Variants in ALCAM observed in about 807,000 individuals in gnomAD.
ALCAM encodes the protein CD166 antigen.
In ALCAM, 30 loss-of-function variants were observed where a neutral mutation model predicts 70.9. The ratio of observed to expected loss-of-function variants is 0.42; its 90% CI spans 0.32 to 0.57. The LOEUF (loss-of-function observed/expected upper bound fraction) is 0.57, where lower values mean the gene tolerates loss of function less well. Among genes scored for constraint, ALCAM ranks in the 20% least tolerant of loss-of-function variants. The probability of loss-of-function intolerance (pLI) is 0.11; values close to 1 mark genes in which losing one functional copy is unlikely to be tolerated. For missense variants in ALCAM, 591 were observed against 695.1 expected (o/e 0.85, Z 1.68); for synonymous variants, 249 against 242.5 (o/e 1.03, Z -0.25).
At chr3:105,440,973 A>C (rs1236868311) in intron 1 of ALCAM, 1 of 152,150 alleles carries the variant, frequency 6.6e-6, no homozygotes, top group Non-Finnish European at 1.5e-5. Context: ...GCAGAGAAAA[A>C]GCACTGAAAA....
rs780421441 is a variant in ALCAM at position 105,492,333 on chromosome 3, A to G, written c.74-27734A>G. On this transcript the variant is annotated intron_variant, in intron 1 of 15. Transcript: ENST00000306107. ...CAAGATGAGAACTGGTTGGGGATAC[A>G]GTGAAACCATATCACATCTAAACCA... 3.9e-4 allele frequency among the ~76,000 whole-genome samples: 60 copies of G among 152,216 alleles called. 1 individual carries two copies. Among genetic ancestry groups the G allele is most frequent in the Non-Finnish European group, 1.8e-4 (12 of 68,040 alleles).
chr3:105,370,558 G>A (rs934096237), intron 1 of ALCAM, among the ~76,000 whole-genome samples: 1 of 152,050 alleles, frequency 6.6e-6, no homozygotes, highest in African/African-American at 2.4e-5. Flanking sequence ...AATTTAGGCA[G>A]GCAGAGTCAT....
chr3:105,377,620 A>G (rs566273578), intron 1 of ALCAM, among the ~76,000 whole-genome samples: 1 of 152,098 alleles, frequency 6.6e-6, no homozygotes, highest in African/African-American at 2.4e-5. Context: ...GGCAAAACCT[A>G]TATTGGTGCC....
chr3:105,563,081 C>T (rs927717002), intron 14 of ALCAM, among the ~76,000 whole-genome samples: 3 of 151,954 alleles, frequency 2.0e-5, no homozygotes, highest in Non-Finnish European at 4.4e-5. Context: ...GCTGGGATTA[C>T]AGGCATGAGT....
intron 1 of ALCAM, among the ~76,000 whole-genome samples, chr3:105,423,273 T>C (rs555058492): frequency 6.6e-6 from 1 of 151,506 alleles, no homozygotes; most frequent in African/African-American, 2.4e-5. Flanking sequence ...TGATGCACTT[T>C]TTCAGGGCTT....
chr3:105,406,320 A>C lies in ALCAM; in HGVS notation c.73+38839A>C, dbSNP rs181183697. ...AGACCCACAATAAAACTTTAGTCCTAAATGGGTCCTATTAAGAATTCCTTC... is the reference window on the plus strand; with the variant it reads ...AGACCCACAATAAAACTTTAGTCCTCAATGGGTCCTATTAAGAATTCCTTC... On this transcript the variant is annotated intron_variant, in intron 1 of 15. Coordinates refer to ENST00000306107, the MANE Select transcript of ALCAM (RefSeq NM_001627.4). Among the ~76,000 whole-genome samples the C allele has an allele frequency of 3.9e-4, 60 of 152,286 alleles. No individual in the cohort carries two copies. The East Asian group carries it at 8.7e-3, about 22-fold the overall frequency.
At chr3:105,429,211 G>C (rs1050550650) in intron 1 of ALCAM, among the ~76,000 whole-genome samples, 1 of 151,878 alleles carries the variant, frequency 6.6e-6, no homozygotes, top group Non-Finnish European at 1.5e-5. Context: ...CACATCAGTA[G>C]ACTCAGAATA....
chr3:105,563,635 G>C (rs893131465), intron 14 of ALCAM, among the ~76,000 whole-genome samples: 5 of 140,076 alleles, frequency 3.6e-5, no homozygotes, highest in African/African-American at 1.3e-4. Flanking sequence ...TTGAAGTCAA[G>C]TGACTAGACC....
At chr3:105,435,314 T>C (rs181526755) in intron 1 of ALCAM, among the ~76,000 whole-genome samples, 2 of 152,352 alleles carry the variant, frequency 1.3e-5, no homozygotes, top group East Asian at 1.9e-4. Flanking sequence ...CCTAGAGCTG[T>C]TAACAGTAAA....
chr3:105,545,371 T>C (rs1299751666), intron 9 of ALCAM, 36 bp downstream of exon 9: 1 of 1,474,678 alleles, frequency 6.8e-7, no homozygotes, highest in East Asian at 2.3e-5. Context: ...TGCTGTTTGG[T>C]TTGATTTCTT....
intron 14 of ALCAM, among the ~76,000 whole-genome samples, chr3:105,563,412 T>A (rs960445457): frequency 1.7e-4 from 26 of 151,728 alleles, no homozygotes; most frequent in Non-Finnish European, 3.7e-4. Context: ...ATTTTGCTCT[T>A]ATCATTACTA....
At chr3:105,498,133 G>C (rs114219776) in intron 1 of ALCAM, among the ~76,000 whole-genome samples, 2,805 of 152,212 alleles carry the variant, frequency 0.018, 28 homozygotes, top group Middle Eastern at 0.051. Flanking sequence ...AATGCTGAAA[G>C]ATAAGTGTGA....
Position 105,419,745 on chromosome 3 carries a change from G to A in ALCAM, c.73+52264G>A, listed in dbSNP as rs551832896. On this transcript the variant is annotated intron_variant, in intron 1 of 15. Transcript: ENST00000306107. ...CAATTGAAGTAGCTGCTGCTTATCT[G>A]AAACTTAACAGTTTGTTGTGGCCAA... Among the ~76,000 whole-genome samples the A allele has an allele frequency of 1.4e-4, 21 of 151,948 alleles. No individual in the cohort carries two copies. The East Asian group carries it at 2.9e-3, about 21-fold the overall frequency.
chr3:105,501,076 T>C (rs1262609901), intron 1 of ALCAM, among the ~76,000 whole-genome samples: 1 of 152,194 alleles, frequency 6.6e-6, no homozygotes, highest in African/African-American at 2.4e-5. Context: ...GGCATGTTAG[T>C]GGCAAACTGG....
chr3:105,559,358 G>A (rs2152633689), intron 14 of ALCAM, among the ~76,000 whole-genome samples: 1 of 148,328 alleles, frequency 6.7e-6, no homozygotes, highest in Admixed American at 6.8e-5. Context: ...CCATAAACGG[G>A]GTGGCTTTAA....
At chr3:105,442,953 C>A (rs1350938121) in intron 1 of ALCAM, among the ~76,000 whole-genome samples, 1 of 152,102 alleles carries the variant, frequency 6.6e-6, no homozygotes, top group Non-Finnish European at 1.5e-5. Context: ...CTTGAGCCCC[C>A]TGAGTAGCTT....
intron 1 of ALCAM, among the ~76,000 whole-genome samples, chr3:105,398,655 T>C (rs1013448394): frequency 2.0e-5 from 3 of 152,142 alleles, no homozygotes; most frequent in African/African-American, 7.2e-5. Flanking sequence ...GTATAAATTA[T>C]TTCCTTAGTA....
chr3:105,463,792 T>C (rs183104781), intron 1 of ALCAM, among the ~76,000 whole-genome samples: 9 of 151,514 alleles, frequency 5.9e-5, no homozygotes, highest in Non-Finnish European at 1.2e-4. Context: ...TAAAGCTATT[T>C]GGAAATCTGG....
intron 12 of ALCAM, among the ~76,000 whole-genome samples, chr3:105,551,398 T>C (rs1940402990): frequency 1.3e-5 from 2 of 151,554 alleles, no homozygotes; most frequent in South Asian, 4.1e-4. Context: ...CAACATTTAA[T>C]ATAGTCGTTT....
Sources: gnomAD v4.1 joint callset for allele counts (sites outside exome capture counted in the v4.1 genomes callset) on GRCh38, gnomAD v4.1.1 for gene constraint, MANE v1.5 for transcripts, NCBI Gene and HGNC (gene_info 2026-07-23, HGNC 2026-07-21) for gene names.